The following SYNDIG1 variants were observed in gnomAD, a reference collection of about 807,000 sequenced individuals.
The protein encoded by SYNDIG1 is synapse differentiation-inducing gene protein 1.
SYNDIG1 carries 9 observed loss-of-function variants against 19.4 expected under a neutral mutation model. That is an observed-to-expected ratio of 0.46 (90% confidence interval 0.28 to 0.81). SYNDIG1 has a LOEUF of 0.81. Ranked by LOEUF, SYNDIG1 falls within the 30% of genes least tolerant of loss-of-function variation. The pLI is 0.12. For missense variants in SYNDIG1, 311 were observed against 343.3 expected, an observed-to-expected ratio of 0.91 and a Z score of 0.74; for synonymous variants, 141 against 145.9, an observed-to-expected ratio of 0.97 and a Z score of 0.24.
chr20:24,656,113 C>T (rs1455670937), intron 3 of SYNDIG1, among the ~76,000 whole-genome samples: 4 of 152,154 alleles, frequency 2.6e-5, no homozygotes, highest in Admixed American at 6.5e-5. Context: ...GGGGGTTATA[C>T]GGTGCTGTTC....
rs188438801 is a variant in SYNDIG1 at position 24,601,999 on chromosome 20, T to A, written c.618+17006T>A. Among the ~76,000 whole-genome samples, 132 of 149,774 alleles carry A rather than the reference T, an allele frequency of 8.8e-4. 2 individuals are homozygous for A. Among genetic ancestry groups the A allele is most frequent in the Non-Finnish European group, 3.3e-4 (22 of 67,290 alleles). ...CCATTATAATATTGTTTTTTTTTTT[T>A]ATTTTCCAGTTCTAGAATTCCCATG... On this transcript the variant is annotated intron_variant, in intron 3 of 3. Transcript: ENST00000376862.
chr20:24,580,726 A>G (rs2058308705), intron 2 of SYNDIG1, among the ~76,000 whole-genome samples: 1 of 152,120 alleles, frequency 6.6e-6, no homozygotes, highest in Non-Finnish European at 1.5e-5. Flanking sequence ...TTTAAAATCT[A>G]TTTCAATCAA....
At chr20:24,533,381 G>A (rs975905860) in intron 1 of SYNDIG1, among the ~76,000 whole-genome samples, 4 of 152,092 alleles carry the variant, frequency 2.6e-5, no homozygotes, top group Non-Finnish European at 5.9e-5. Flanking sequence ...AACTGCAGTC[G>A]TCTAATAATA....
intron 1 of SYNDIG1, among the ~76,000 whole-genome samples, chr20:24,524,428 G>A (rs982564740): frequency 1.4e-4 from 22 of 152,244 alleles, no homozygotes; most frequent in Admixed American, 1.2e-3. Flanking sequence ...GGTGGATCAC[G>A]AGGTCAGGAG....
intron 1 of SYNDIG1, among the ~76,000 whole-genome samples, chr20:24,523,378 CACA>C (rs1276943385): frequency 6.6e-6 from 1 of 152,134 alleles, no homozygotes; most frequent in Non-Finnish European, 1.5e-5. Context: ...TGATGATGAC[CACA>C]ACAACAATGA....
chr20:24,647,401 G>A (rs557295467), intron 3 of SYNDIG1, among the ~76,000 whole-genome samples: 1 of 152,094 alleles, frequency 6.6e-6, no homozygotes, highest in Non-Finnish European at 1.5e-5. Flanking sequence ...ATCAAGTCAC[G>A]CTTCAGAGGC....
At position 24,645,521 on chromosome 20, in the gene SYNDIG1, A is replaced by G. The variant is rs577300744; in HGVS notation, c.619-19825A>G. Among the ~76,000 whole-genome samples the G allele has an allele frequency of 3.9e-5, 6 of 152,306 alleles. No individual in the cohort carries two copies. In the South Asian group the frequency reaches 1.2e-3, roughly 32 times the overall value. ...ACTGGCACAGGGCTCCAGAGAAAAG[A>G]GGGAGAGAGGACAACGGAGAGTGAA... On this transcript the variant is annotated intron_variant, in intron 3 of 3. Transcript: ENST00000376862.
rs565213503 is a variant in SYNDIG1, at chr20:24,592,236, TG to T, written c.618+7246del. On this transcript the variant is annotated intron_variant, in intron 3 of 3. Coordinates refer to ENST00000376862, the MANE Select transcript of SYNDIG1 (RefSeq NM_024893.3). ...AGGTGGAGGGAACAATTTTGGGATT[TG>T]GGTGTGAAAACTTGTCACTCAAGTA... is the stretch of plus-strand genomic sequence containing the variant. 4.1e-3 allele frequency among the ~76,000 whole-genome samples: 618 copies of T among 152,344 alleles called. 3 individuals are homozygous for T. Among genetic ancestry groups the T allele is most frequent in the South Asian group, 0.012 (59 of 4,828 alleles).
intron 2 of SYNDIG1, among the ~76,000 whole-genome samples, chr20:24,556,864 T>C (rs2057831349): frequency 6.6e-6 from 1 of 152,228 alleles, no homozygotes; most frequent in South Asian, 2.1e-4. Context: ...CCTTGCTAGA[T>C]TGGGGAAGTT....
At chr20:24,594,084 T>C (rs889858661) in intron 3 of SYNDIG1, among the ~76,000 whole-genome samples, 1 of 152,214 alleles carries the variant, frequency 6.6e-6, no homozygotes, top group Non-Finnish European at 1.5e-5. Context: ...GTTTTTGATG[T>C]CTTCACTGTG....
At chr20:24,478,630 C>T (rs1041977894) in intron 1 of SYNDIG1, among the ~76,000 whole-genome samples, 1 of 152,224 alleles carries the variant, frequency 6.6e-6, no homozygotes, top group African/African-American at 2.4e-5. Context: ...CAGATGCAGA[C>T]AGCTCCAGCT....
At chr20:24,473,909 G>A (rs1281616812) in intron 1 of SYNDIG1, among the ~76,000 whole-genome samples, 1 of 152,214 alleles carries the variant, frequency 6.6e-6, no homozygotes, top group African/African-American at 2.4e-5. Flanking sequence ...GAAAAGTGAC[G>A]TGGTTTGTCT....
chr20:24,509,518 G>A (rs529918551), intron 1 of SYNDIG1, among the ~76,000 whole-genome samples: 29 of 152,250 alleles, frequency 1.9e-4, no homozygotes, highest in African/African-American at 6.7e-4. Context: ...TAGTTTTGCT[G>A]TTGTTTTCTA....
At chr20:24,641,048 C>G (rs1003284222) in intron 3 of SYNDIG1, among the ~76,000 whole-genome samples, 8 of 152,148 alleles carry the variant, frequency 5.3e-5, no homozygotes, top group Non-Finnish European at 1.2e-4. Context: ...CTCATTTGTT[C>G]CCAGGAACTT....
intron 3 of SYNDIG1, among the ~76,000 whole-genome samples, chr20:24,609,073 T>C (rs1255420134): frequency 6.6e-6 from 1 of 152,136 alleles, no homozygotes; most frequent in Non-Finnish European, 1.5e-5. Context: ...TCATGGGTGT[T>C]TTAAAGGTGC....
At chr20:24,507,636 T>A (rs2056625976) in intron 1 of SYNDIG1, among the ~76,000 whole-genome samples, 1 of 152,202 alleles carries the variant, frequency 6.6e-6, no homozygotes, top group Non-Finnish European at 1.5e-5. Context: ...AGCTTCCTCC[T>A]TTGGCTGCTG....
At position 24,500,267 on chromosome 20, in the gene SYNDIG1, A is replaced by G. The variant is rs79737990; in HGVS notation, c.-79+30514A>G. Among the ~76,000 whole-genome samples the G allele has an allele frequency of 7.0e-3, 1,064 of 152,286 alleles. 7 individuals are homozygous for G. Among genetic ancestry groups the G allele is most frequent in the African/African-American group, 0.024 (991 of 41,564 alleles). On this transcript the variant is annotated intron_variant, in intron 1 of 3. Transcript: ENST00000376862. ...TTCCTATGTTTCTTTAAAAGTGAAT[A>G]AATATAATTCACAGAAATCGTTGAT... is the stretch of plus-strand genomic sequence containing the variant.
chr20:24,627,853 G>A (rs1202059197), intron 3 of SYNDIG1, among the ~76,000 whole-genome samples: 2 of 152,260 alleles, frequency 1.3e-5, no homozygotes, highest in Non-Finnish European at 2.9e-5. Flanking sequence ...GGGCAGGGCC[G>A]CCTCTGGAGG....
In SYNDIG1 at chr20:24,618,100, G is replaced by A. The variant is rs1381026043; in HGVS notation, c.618+33107G>A. On this transcript the variant is annotated intron_variant, in intron 3 of 3. Transcript: ENST00000376862. ...GAGAGCTCGGGTAGGGGGGAACCCG[G>A]GGAGTGGGGAAAGCCCGGGGAGGGG... Among the ~76,000 whole-genome samples the A allele has an allele frequency of 2.8e-5, 4 of 145,260 alleles. No individual in the cohort carries two copies. The East Asian group carries it at 8.5e-4, about 31-fold the overall frequency.
Sources: gnomAD v4.1 joint callset for allele counts (sites outside exome capture counted in the v4.1 genomes callset) on GRCh38, gnomAD v4.1.1 for gene constraint, MANE v1.5 for transcripts, NCBI Gene and HGNC (gene_info 2026-07-23, HGNC 2026-07-21) for gene names.